ANKRD30B: variants seen among roughly 807,000 people sequenced by gnomAD.
The protein encoded by ANKRD30B is ankyrin repeat domain 30B.
In ANKRD30B, 144 loss-of-function variants were observed where a neutral mutation model predicts 202.2. That is an observed-to-expected ratio of 0.71 (90% CI 0.62 to 0.82). The LOEUF (loss-of-function observed/expected upper bound fraction) is 0.82, where lower values mean the gene tolerates loss of function less well. Among genes scored for constraint, ANKRD30B ranks in the 40% least tolerant of loss-of-function variants. The probability of loss-of-function intolerance (pLI) is 0.00; values close to 1 mark genes in which losing one functional copy is unlikely to be tolerated. For synonymous variants in ANKRD30B, 508 were observed against 561.3 expected, an observed-to-expected ratio of 0.91 and a Z score of 1.34; for missense variants, 1,487 against 1,669.1, an observed-to-expected ratio of 0.89 and a Z score of 1.90.
At chr18:14,810,834 C>T (rs187461583) in intron 28 of ANKRD30B, among the ~76,000 whole-genome samples, 2 of 151,362 alleles carry the variant, frequency 1.3e-5, no homozygotes, top group East Asian at 1.9e-4. Flanking sequence ...TTACAACAGG[C>T]TGTGCATGGT....
chr18:14,928,937 C>A, the ANKRD30B span, among the ~76,000 whole-genome samples: 1 of 152,194 alleles, frequency 6.6e-6, no homozygotes, highest in Non-Finnish European at 1.5e-5. Flanking sequence ...TCATCCTTTA[C>A]ACAGCTGCCA....
At chr18:14,898,469 C>G in the ANKRD30B span, among the ~76,000 whole-genome samples, 1 of 152,130 alleles carries the variant, frequency 6.6e-6, no homozygotes, top group Non-Finnish European at 1.5e-5. Flanking sequence ...CTTGCTTACC[C>G]ACCACTCACC....
chr18:14,754,979 T>G lies in ANKRD30B; in HGVS notation c.591T>G (p.Asn197Lys). The stretch of plus-strand genomic sequence containing the variant: ...AATTTTTACTAACAAAAAATGCAAA[T>G]GCAAACGCATTTAATGAGTCTAAAT... ...TVEFLLTKNA[N>K]ANAFNESKCT... The change falls in exon 4 of 44, where the codon AAT becomes AAG. Residue 197 changes from asparagine (N) to lysine (K), a missense_variant. By Grantham distance (94) the Asn-to-Lys change is moderately conservative. Around this residue, in one of 6 missense-constraint regions of ANKRD30B, gnomAD observed 889 missense variants for 841.4 expected, o/e 1.06. Coordinates refer to ENST00000690538, the MANE Select transcript of ANKRD30B (RefSeq NM_001367607.2). 2 of 1,541,666 alleles carry G rather than the reference T, an allele frequency of 1.3e-6. No individual in the cohort carries two copies. Among genetic ancestry groups the G allele is most frequent in the African/African-American group, 2.8e-5 (2 of 72,602 alleles).
the ANKRD30B span, among the ~76,000 whole-genome samples, chr18:14,861,782 C>G: frequency 6.6e-6 from 1 of 152,136 alleles, no homozygotes; most frequent in African/African-American, 2.4e-5. Context: ...CTTGACCAAA[C>G]AGACCTAATA....
At chr18:14,901,052 A>G in the ANKRD30B span, among the ~76,000 whole-genome samples, 1 of 152,182 alleles carries the variant, frequency 6.6e-6, no homozygotes, top group Non-Finnish European at 1.5e-5. Flanking sequence ...CCAGGAGCCT[A>G]TTTTTTCAGT....
the ANKRD30B span, among the ~76,000 whole-genome samples, chr18:14,910,502 T>A: frequency 6.7e-6 from 1 of 150,234 alleles, no homozygotes; most frequent in Non-Finnish European, 1.5e-5. Context: ...TATATATATA[T>A]AAAATTTCTT....
intron 37 of ANKRD30B, among the ~76,000 whole-genome samples, chr18:14,842,518 C>A (rs1971458794): frequency 6.6e-6 from 1 of 152,262 alleles, no homozygotes; most frequent in Non-Finnish European, 1.5e-5. Context: ...GTGTATTTCA[C>A]TGAATATATG....
the ANKRD30B span, among the ~76,000 whole-genome samples, chr18:14,874,560 G>A: frequency 8.6e-5 from 13 of 152,032 alleles, no homozygotes; most frequent in South Asian, 1.5e-3. Flanking sequence ...TATCTATTTC[G>A]ATTTTTCAGT....
the ANKRD30B span, among the ~76,000 whole-genome samples, chr18:14,865,518 C>G: frequency 2.0e-5 from 3 of 151,790 alleles, no homozygotes; most frequent in African/African-American, 4.8e-5. Context: ...TCTCTTACCC[C>G]CTTCCATCTA....
chr18:14,852,937 A>C (rs1378257882), intron 42 of ANKRD30B, among the ~76,000 whole-genome samples: 1 of 152,126 alleles, frequency 6.6e-6, no homozygotes, highest in Non-Finnish European at 1.5e-5. Context: ...TATTTGGTAG[A>C]ATTTTATTTT....
At chr18:14,788,863 A>G (rs1268529400) in intron 15 of ANKRD30B, among the ~76,000 whole-genome samples, 2 of 152,142 alleles carry the variant, frequency 1.3e-5, no homozygotes, top group African/African-American at 4.8e-5. Context: ...ATATGTGTGC[A>G]TGTGTCTTTA....
downstream of ANKRD30B, among the ~76,000 whole-genome samples, chr18:14,854,709 C>T (rs1350457698): frequency 6.6e-6 from 1 of 151,948 alleles, no homozygotes; most frequent in African/African-American, 2.4e-5. Context: ...AACTATTGAA[C>T]CTTCTAGTTA....
intron 37 of ANKRD30B, among the ~76,000 whole-genome samples, chr18:14,842,080 T>C (rs1262834043): frequency 6.6e-6 from 1 of 152,064 alleles, no homozygotes; most frequent in African/African-American, 2.4e-5. Context: ...CAGAATTTAT[T>C]ACTTGAATTC....
intron 4 of ANKRD30B, among the ~76,000 whole-genome samples, chr18:14,755,665 G>C (rs958912197): frequency 3.3e-5 from 5 of 151,704 alleles, no homozygotes; most frequent in African/African-American, 1.2e-4. Flanking sequence ...TTGGTTTTTT[G>C]TCCTTGCGAT....
At chr18:14,939,900 T>C in the ANKRD30B span, among the ~76,000 whole-genome samples, 2 of 152,230 alleles carry the variant, frequency 1.3e-5, no homozygotes, top group African/African-American at 4.8e-5. Flanking sequence ...GACTGTGCAG[T>C]GTTAATTCTA....
At chr18:14,782,449 A>G (rs1373200907) in intron 11 of ANKRD30B, 78 bp from the exon 12 acceptor site, 2 of 1,133,406 alleles carry the variant, frequency 1.8e-6, no homozygotes. Context: ...ATTGAGTTTA[A>G]AAAATATTTT....
chr18:14,931,786 G>A, the ANKRD30B span, among the ~76,000 whole-genome samples: 8 of 151,492 alleles, frequency 5.3e-5, no homozygotes, highest in Admixed American at 2.0e-4. Flanking sequence ...TCTCAATCCA[G>A]CTCCTCAGTT....
At chr18:14,883,334 T>A in the ANKRD30B span, among the ~76,000 whole-genome samples, 1 of 119,562 alleles carries the variant, frequency 8.4e-6, no homozygotes, top group Non-Finnish European at 1.9e-5. Context: ...TCTCTCTCTC[T>A]GTCTCTCTCT....
chr18:14,749,400 G>A (rs1439533630), intron 1 of ANKRD30B, among the ~76,000 whole-genome samples: 10 of 152,046 alleles, frequency 6.6e-5, no homozygotes, highest in African/African-American at 2.2e-4. Context: ...GGCCAGGAGC[G>A]GTGGCTCACG....
Sources: allele counts gnomAD v4.1 joint callset (sites outside exome capture counted in the v4.1 genomes callset), GRCh38; gene constraint gnomAD v4.1.1; regional missense constraint gnomAD v4.1.1; transcripts MANE v1.5; gene names NCBI Gene and HGNC (gene_info 2026-07-23, HGNC 2026-07-21).